BBX: variants seen among roughly 807,000 people sequenced by gnomAD.
The protein encoded by BBX is HMG box transcription factor BBX.
BBX carries 30 observed loss-of-function variants against 100.2 expected under a neutral mutation model. That is an observed-to-expected ratio of 0.30 (90% CI 0.22 to 0.41). The LOEUF (loss-of-function observed/expected upper bound fraction) is 0.41. BBX is among the 10% of genes least tolerant of loss of function. The pLI, the probability that BBX is intolerant of heterozygous loss-of-function variation, is 1.00. For synonymous variants in BBX, 376 were observed against 388.1 expected, an observed-to-expected ratio of 0.97 and a Z score of 0.37; for missense variants, 1,023 against 1,129.8, an observed-to-expected ratio of 0.91 and a Z score of 1.35.
chr3:107,560,437 G>A (rs2050404439), intron 2 of BBX, among the ~76,000 whole-genome samples: 2 of 152,202 alleles, frequency 1.3e-5, no homozygotes, highest in Non-Finnish European at 2.9e-5. Flanking sequence ...AAGTCAGCTA[G>A]GAAGTGAGAA....
At chr3:107,766,006 G>T (rs2066361248) in intron 10 of BBX, among the ~76,000 whole-genome samples, 1 of 152,062 alleles carries the variant, frequency 6.6e-6, no homozygotes, top group Admixed American at 6.5e-5. Context: ...TAGTAGACAA[G>T]AAACTAAAGT....
At chr3:107,665,123 A>G (rs372391472) in intron 3 of BBX, among the ~76,000 whole-genome samples, 5 of 152,290 alleles carry the variant, frequency 3.3e-5, no homozygotes, top group South Asian at 2.1e-4. Context: ...GCAGTTTCCC[A>G]GGAAATATAC....
intron 3 of BBX, among the ~76,000 whole-genome samples, chr3:107,708,543 G>A (rs909854159): frequency 1.3e-5 from 2 of 151,844 alleles, no homozygotes; most frequent in African/African-American, 4.8e-5. Context: ...TTGTGGTGGC[G>A]GGCGCCCGTA....
intron 5 of BBX, among the ~76,000 whole-genome samples, chr3:107,728,107 GA>G (rs2063085466): frequency 6.6e-6 from 1 of 152,116 alleles, no homozygotes; most frequent in Non-Finnish European, 1.5e-5. Context: ...ATTTGTGATG[GA>G]TTATTGCAAC....
chr3:107,526,708 T>C, intron 2 of BBX: 1 of 188,102 alleles, frequency 5.3e-6, no homozygotes, highest in Non-Finnish European at 1.1e-5. Flanking sequence ...CTAGTAAATT[T>C]AATGCTAGAC....
chr3:107,606,802 G>A (rs147059687), intron 2 of BBX, among the ~76,000 whole-genome samples: 2 of 151,888 alleles, frequency 1.3e-5, no homozygotes, highest in African/African-American at 2.4e-5. Context: ...CAAACAATCC[G>A]ATTATACTCT....
rs769231856 is a variant in BBX, at chr3:107,801,101, A to G, written c.2558A>G (p.Lys853Arg). The G allele has an allele frequency of 1.9e-6, 3 of 1,614,002 alleles. No homozygotes were observed. Among genetic ancestry groups the G allele is most frequent in the Admixed American group, 1.7e-5 (1 of 60,008 alleles). Reference protein sequence around the residue: ...VSPAGGTLDDKPKEQLQRSLP... With the variant: ...VSPAGGTLDDRPKEQLQRSLP... Reference sequence around the variant, plus strand: ...GATTTCTCTTTTGTTACAGATGACAAACCAAAGGAACAACTGCAGAGGAGT... The same window carrying G: ...GATTTCTCTTTTGTTACAGATGACAGACCAAAGGAACAACTGCAGAGGAGT... Residue 853 changes from lysine (K) to arginine (R), a missense_variant, in exon 17 of 18, where the codon AAA becomes AGA. Lys to Arg is a conservative substitution (Grantham distance 26). Coordinates refer to ENST00000325805, the MANE Select transcript of BBX (RefSeq NM_001142568.3).
intron 2 of BBX, among the ~76,000 whole-genome samples, chr3:107,623,897 TC>T (rs2055969745): frequency 6.6e-6 from 1 of 152,192 alleles, no homozygotes; most frequent in Non-Finnish European, 1.5e-5. Flanking sequence ...TTACAGACTC[TC>T]GTCTGTAAAG....
intron 2 of BBX, among the ~76,000 whole-genome samples, chr3:107,538,755 G>A (rs1271075882): frequency 1.3e-5 from 2 of 151,918 alleles, no homozygotes; most frequent in African/African-American, 4.8e-5. Context: ...AAGGATCAGA[G>A]GAACACAGTA....
chr3:107,685,436 T>A (rs150212857), intron 3 of BBX, among the ~76,000 whole-genome samples: 4 of 152,332 alleles, frequency 2.6e-5, no homozygotes, highest in African/African-American at 9.6e-5. Context: ...TAAATGAAAT[T>A]GAAGGAAGCA....
intron 7 of BBX, among the ~76,000 whole-genome samples, chr3:107,737,884 G>GTTTTTTTTTTTTTTTTTTTT (rs1156396951): frequency 6.1e-5 from 3 of 48,898 alleles, no homozygotes; most frequent in African/African-American, 8.8e-5. Flanking sequence ...CAGAGTTCCA[G>GTTTTTTTTTTTTTTTTTTTT]TTTTTTTTTT....
chr3:107,584,672 CTTTTTTTTTTTTTTTT>C (rs58393281), intron 2 of BBX, among the ~76,000 whole-genome samples: 20 of 28,370 alleles, frequency 7.0e-4, no homozygotes, highest in East Asian at 3.1e-3. Flanking sequence ...CCGTTGAAAT[CTTTTTTTTTTTTTTTT>C]TTTTTTTTTT....
chr3:107,595,103 A>G (rs1374531826), intron 2 of BBX, among the ~76,000 whole-genome samples: 1 of 152,178 alleles, frequency 6.6e-6, no homozygotes, highest in East Asian at 1.9e-4. Context: ...TGGGGCAAGC[A>G]TGTTTACTAG....
chr3:107,705,644 G>GT (rs924271483), intron 3 of BBX, among the ~76,000 whole-genome samples: 5 of 152,218 alleles, frequency 3.3e-5, no homozygotes, highest in Non-Finnish European at 7.3e-5. Context: ...CTTAGGATGA[G>GT]TTTAAGTGAG....
At chr3:107,528,612 A>T (rs1032714407) in intron 2 of BBX, among the ~76,000 whole-genome samples, 2 of 152,214 alleles carry the variant, frequency 1.3e-5, no homozygotes, top group African/African-American at 4.8e-5. Context: ...TCTGATTTTT[A>T]TACTTAATCC....
chr3:107,787,474 T>G (rs763166930), intron 13 of BBX, among the ~76,000 whole-genome samples: 1 of 152,032 alleles, frequency 6.6e-6, no homozygotes, highest in African/African-American at 2.4e-5. Context: ...AGATTAGAGG[T>G]TGCTTAGGGA....
intron 2 of BBX, among the ~76,000 whole-genome samples, chr3:107,551,753 A>G (rs1246028514): frequency 1.3e-5 from 2 of 152,242 alleles, no homozygotes; most frequent in African/African-American, 4.8e-5. Flanking sequence ...TGGAATGATC[A>G]GGAACATCCT....
chr3:107,555,817 T>C (rs965482458), intron 2 of BBX, among the ~76,000 whole-genome samples: 1 of 152,164 alleles, frequency 6.6e-6, no homozygotes, highest in Non-Finnish European at 1.5e-5. Flanking sequence ...TTTCTTAGAG[T>C]CCTAAAAATT....
chr3:107,704,972 G>T (rs1267691273), intron 3 of BBX, among the ~76,000 whole-genome samples: 1 of 152,172 alleles, frequency 6.6e-6, no homozygotes, highest in East Asian at 1.9e-4. Flanking sequence ...AGGTGAGAAG[G>T]AGAAAGGCTT....
Sources: allele counts gnomAD v4.1 joint callset (sites outside exome capture counted in the v4.1 genomes callset), GRCh38; gene constraint gnomAD v4.1.1; transcripts MANE v1.5; gene names NCBI Gene and HGNC (gene_info 2026-07-23, HGNC 2026-07-21).